The following KCTD15 variants were observed in gnomAD, a reference collection of about 807,000 sequenced individuals.
KCTD15 encodes BTB/POZ domain-containing protein KCTD15.
In KCTD15, 11 loss-of-function variants were observed where a neutral mutation model predicts 27.2. That is an observed-to-expected ratio of 0.41 (90% CI 0.25 to 0.67). The LOEUF (loss-of-function observed/expected upper bound fraction) is 0.67, where lower values mean the gene tolerates loss of function less well. KCTD15 is among the 30% of genes least tolerant of loss of function. The pLI is 0.35. For missense variants in KCTD15, 350 were observed against 409.3 expected (o/e 0.86, Z 1.25); for synonymous variants, 163 against 176.0 (o/e 0.93, Z 0.58).
intron 1 of KCTD15, 175 bp from the exon 2 acceptor site, chr19:33,798,493 A>G (rs1975428091): frequency 6.6e-6 from 1 of 152,232 alleles, no homozygotes; most frequent in Non-Finnish European, 1.5e-5. Flanking sequence ...CAGCTGGAGA[A>G]GCGGGTCACT....
chr19:33,805,683 G>A (rs1975688147), intron 4 of KCTD15, among the ~76,000 whole-genome samples: 1 of 152,230 alleles, frequency 6.6e-6, no homozygotes, highest in South Asian at 2.1e-4. Context: ...CCTGCTGAAG[G>A]ATGTGGTGGT....
At chr19:33,807,098 C>A in intron 5 of KCTD15, 91 bp downstream of exon 5, 1 of 1,408,520 alleles carries the variant, frequency 7.1e-7, no homozygotes, top group South Asian at 1.4e-5. Context: ...CCCTGGTTGT[C>A]ATGGTAACCA....
At chr19:33,806,803 G>A (rs995966677) in intron 4 of KCTD15, 60 bp from the exon 5 acceptor site, 3 of 1,582,626 alleles carry the variant, frequency 1.9e-6, no homozygotes, top group South Asian at 1.1e-5. Flanking sequence ...GCGGGGTGTG[G>A]GAAGACAGGC....
intron 3 of KCTD15, 75 bp downstream of exon 3, chr19:33,800,595 C>A: frequency 7.4e-7 from 1 of 1,355,310 alleles, no homozygotes; most frequent in Non-Finnish European, 1.0e-6. Flanking sequence ...TGTTTACTGG[C>A]TGTCCTTCCT....
At chr19:33,802,972 AC>A (rs1975605851) in intron 4 of KCTD15, among the ~76,000 whole-genome samples, 1 of 151,912 alleles carries the variant, frequency 6.6e-6, no homozygotes, top group African/African-American at 2.4e-5. Context: ...ATCTCCCCCC[AC>A]CCAGCCCCAC....
chr19:33,799,930 A>C (rs768464104), intron 2 of KCTD15, among the ~76,000 whole-genome samples: 5 of 152,054 alleles, frequency 3.3e-5, no homozygotes, highest in Non-Finnish European at 7.4e-5. Context: ...GGCCAGATGC[A>C]AGCTGTATCT....
chr19:33,808,395 G>A (rs1188371715), intron 5 of KCTD15, among the ~76,000 whole-genome samples: 2 of 152,198 alleles, frequency 1.3e-5, no homozygotes, highest in African/African-American at 4.8e-5. Context: ...GGCTGGGCGG[G>A]TTTGAAAGAA....
rs758677183 is a variant in KCTD15, at chr19:33,806,902, G to C, written c.282G>C (p.Leu94=). 9 of 1,614,156 alleles carry C rather than the reference G, an allele frequency of 5.6e-6. No homozygotes were observed. Among genetic ancestry groups the C allele is most frequent in the Non-Finnish European group, 7.6e-6 (9 of 1,180,026 alleles). The change falls in exon 5 of 7, where the codon CTG becomes CTC. Residue 94 remains leucine, a synonymous_variant. Coordinates refer to ENST00000683859, the MANE Select transcript of KCTD15 (RefSeq NM_001129994.2). ...RLFNGTEPIV[L]DSLKQHYFID... is the part of the protein sequence containing the mutation. The stretch of plus-strand genomic sequence containing the variant: ...TCAATGGCACTGAACCCATCGTCCT[G>C]GACAGTTTGAAGCAACATTATTTCA...
At chr19:33,797,721 G>A (rs1396594172) in intron 1 of KCTD15, among the ~76,000 whole-genome samples, 1 of 152,278 alleles carries the variant, frequency 6.6e-6, no homozygotes, top group East Asian at 1.9e-4. Flanking sequence ...GCCCCCACCC[G>A]CGACTGCAGA....
chr19:33,794,971 G>A (rs1036323252), upstream of KCTD15, among the ~76,000 whole-genome samples: 24 of 152,346 alleles, frequency 1.6e-4, no homozygotes, highest in African/African-American at 5.8e-4. Flanking sequence ...GGCGTAGGGA[G>A]CAGAGTGGGC....
At chr19:33,804,996 C>T (rs1332494368) in intron 4 of KCTD15, among the ~76,000 whole-genome samples, 2 of 151,200 alleles carry the variant, frequency 1.3e-5, no homozygotes, top group African/African-American at 2.4e-5. Context: ...GGTGTGATCT[C>T]GGCTCATTGC....
intron 2 of KCTD15, among the ~76,000 whole-genome samples, chr19:33,800,001 G>T (rs1975474479): frequency 6.6e-6 from 1 of 152,160 alleles, no homozygotes; most frequent in African/African-American, 2.4e-5. Context: ...GAGGGTGAGG[G>T]GTGCTTTCTG....
intron 5 of KCTD15, among the ~76,000 whole-genome samples, chr19:33,807,894 C>T (rs1051848716): frequency 8.6e-5 from 13 of 151,394 alleles, no homozygotes; most frequent in African/African-American, 2.4e-4. Flanking sequence ...TGCAGTGAGC[C>T]GAGATCACGT....
In KCTD15 at chr19:33,813,603, T is replaced by C; in HGVS notation, c.*655T>C. The C allele has an allele frequency of 3.0e-6, 1 of 329,270 alleles. No homozygotes were observed. The highest frequency in any genetic ancestry group is 2.3e-5 in the South Asian group (1 of 43,634). The allele number at this position is 329,270 out of a possible 1,614,324, so 20.4% of individuals were successfully genotyped here. A position where few individuals can be genotyped will look rare whatever the true frequency, so the allele number is the denominator to read the frequency against. ...GGGGCCTGAGGGCTGAGTGATTCTG[T>C]AACCACCTGAGACCTTCACGTTTGC... is the stretch of plus-strand genomic sequence containing the variant. On this transcript the variant is annotated 3_prime_UTR_variant, in exon 7 of 7. Transcript: ENST00000683859.
chr19:33,800,619 C>T (rs1975503799), intron 3 of KCTD15, 99 bp downstream of exon 3: 1 of 1,067,148 alleles, frequency 9.4e-7, no homozygotes, highest in African/African-American at 1.6e-5. Flanking sequence ...GACCATGACA[C>T]TCCAGGTGGC....
intron 3 of KCTD15, 30 bp downstream of exon 3, chr19:33,800,550 C>T (rs1209946521): frequency 6.4e-7 from 1 of 1,556,086 alleles, no homozygotes; most frequent in Non-Finnish European, 8.7e-7. Flanking sequence ...TGGGTCCCTG[C>T]CGGGAGTTCC....
At chr19:33,807,666 G>A (rs1260884920) in intron 5 of KCTD15, among the ~76,000 whole-genome samples, 1 of 152,170 alleles carries the variant, frequency 6.6e-6, no homozygotes, top group Admixed American at 6.5e-5. Context: ...GTTACAGTGG[G>A]CCGAGATTGC....
intron 4 of KCTD15, among the ~76,000 whole-genome samples, chr19:33,806,102 G>A (rs1164530380): frequency 6.6e-6 from 1 of 152,232 alleles, no homozygotes. Flanking sequence ...GTTTCTGTGT[G>A]CGTGTGTGTA....
chr19:33,811,032 C>A (rs1324063241), intron 5 of KCTD15, among the ~76,000 whole-genome samples: 1 of 152,154 alleles, frequency 6.6e-6, no homozygotes, highest in Non-Finnish European at 1.5e-5. Flanking sequence ...TGCACATCAG[C>A]GGCTGCCCTT....
Sources: allele counts gnomAD v4.1 joint callset (sites outside exome capture counted in the v4.1 genomes callset), GRCh38; gene constraint gnomAD v4.1.1; transcripts MANE v1.5; gene names NCBI Gene and HGNC (gene_info 2026-07-23, HGNC 2026-07-21).